Variants in PTPRT observed in about 807,000 individuals in gnomAD.
The protein encoded by PTPRT is receptor-type tyrosine-protein phosphatase T.
Under a neutral mutation model 176.8 loss-of-function variants are expected in PTPRT, and 56 were observed. That is an observed-to-expected ratio of 0.32 (90% CI 0.26 to 0.40). PTPRT has a LOEUF of 0.40. Among genes scored for constraint, PTPRT ranks in the 10% least tolerant of loss-of-function variants. The pLI, the probability that PTPRT is intolerant of heterozygous loss-of-function variation, is 1.00. For synonymous variants in PTPRT, 783 were observed against 739.0 expected (o/e 1.06, Z -0.96); for missense variants, 1,540 against 1,908.2 (o/e 0.81, Z 3.60).
rs937788364 is a variant in PTPRT, at chr20:42,183,300, C to A, written c.2491+15940G>T. 2.6e-5 allele frequency among the ~76,000 whole-genome samples: 4 copies of A among 152,144 alleles called. No homozygotes were observed. In the East Asian group the frequency reaches 7.7e-4, roughly 29 times the overall value. On this transcript the variant is annotated intron_variant, in intron 16 of 30. Coordinates refer to ENST00000373187, the MANE Select transcript of PTPRT (RefSeq NM_007050.6). ...TTTTAAGTGCAACATAAGGAAGGGT[C>A]TTCCTGGGAACCTAACAGCAAGGAA...
At chr20:42,400,993 G>A (rs574452079) in intron 9 of PTPRT, among the ~76,000 whole-genome samples, 2 of 152,084 alleles carry the variant, frequency 1.3e-5, no homozygotes, top group Admixed American at 6.6e-5. Context: ...GGGTGGAGCC[G>A]AGGACCCCCT....
At chr20:42,784,453 C>T (rs2077259542) in intron 3 of PTPRT, among the ~76,000 whole-genome samples, 1 of 152,036 alleles carries the variant, frequency 6.6e-6, no homozygotes, top group African/African-American at 2.4e-5. Context: ...TTAAGAGAGA[C>T]TTTTTTTACC....
intron 11 of PTPRT, among the ~76,000 whole-genome samples, chr20:42,343,644 C>T (rs185711741): frequency 6.6e-6 from 1 of 152,306 alleles, no homozygotes; most frequent in Non-Finnish European, 1.5e-5. Flanking sequence ...GACTCATAGG[C>T]ACTTTCTTTT....
At chr20:42,230,539 G>C (rs2056112810) in intron 15 of PTPRT, among the ~76,000 whole-genome samples, 1 of 152,224 alleles carries the variant, frequency 6.6e-6, no homozygotes, top group Non-Finnish European at 1.5e-5. Context: ...AGGGATCCCA[G>C]AGAGGCATTT....
chr20:43,025,356 G>T (rs1324942486), intron 1 of PTPRT, among the ~76,000 whole-genome samples: 6 of 152,212 alleles, frequency 3.9e-5, no homozygotes, highest in African/African-American at 1.4e-4. Flanking sequence ...GTAAGTCAGG[G>T]AAACCAACTT....
chr20:42,241,282 A>G (rs1022241886), intron 14 of PTPRT, among the ~76,000 whole-genome samples: 14 of 152,170 alleles, frequency 9.2e-5, no homozygotes, highest in African/African-American at 3.4e-4. Flanking sequence ...TGAGTGGTAA[A>G]GTAAAAGAGA....
chr20:42,241,372 TG>T (rs911637712), intron 14 of PTPRT, among the ~76,000 whole-genome samples: 2 of 152,024 alleles, frequency 1.3e-5, no homozygotes, highest in African/African-American at 4.8e-5. Flanking sequence ...GTTAACAAAG[TG>T]GGAATGGCAA....
At chr20:42,179,503 TA>T (rs1990428046) in intron 16 of PTPRT, among the ~76,000 whole-genome samples, 2 of 152,238 alleles carry the variant, frequency 1.3e-5, no homozygotes, top group Admixed American at 1.3e-4. Context: ...GACAATGAAT[TA>T]GCCACATAAT....
intron 7 of PTPRT, among the ~76,000 whole-genome samples, chr20:42,551,849 C>T (rs552649714): frequency 2.6e-5 from 4 of 152,292 alleles, no homozygotes; most frequent in African/African-American, 7.2e-5. Context: ...TGGACCTTCC[C>T]CATTCCTTGC....
intron 1 of PTPRT, among the ~76,000 whole-genome samples, chr20:42,891,118 A>G (rs1400855065): frequency 6.6e-6 from 1 of 152,214 alleles, no homozygotes; most frequent in African/African-American, 2.4e-5. Flanking sequence ...CAGCAGTGTG[A>G]AAACGGACTA....
At chr20:42,247,103 C>A (rs180708321) in intron 14 of PTPRT, among the ~76,000 whole-genome samples, 10 of 152,300 alleles carry the variant, frequency 6.6e-5, no homozygotes, top group African/African-American at 2.4e-4. Flanking sequence ...TAACATAATA[C>A]CTTCTGTTAC....
intron 7 of PTPRT, among the ~76,000 whole-genome samples, chr20:42,480,420 C>T (rs2071365168): frequency 6.6e-6 from 1 of 152,126 alleles, no homozygotes; most frequent in Non-Finnish European, 1.5e-5. Flanking sequence ...TAGTTGACTA[C>T]TGGCCTCATT....
intron 12 of PTPRT, among the ~76,000 whole-genome samples, chr20:42,298,470 T>C (rs1485358313): frequency 6.6e-6 from 1 of 152,172 alleles, no homozygotes; most frequent in Non-Finnish European, 1.5e-5. Context: ...CCTTTAATCC[T>C]ACAATTCCTC....
chr20:42,332,825 A>C (rs1206128686), intron 11 of PTPRT, among the ~76,000 whole-genome samples: 1 of 152,236 alleles, frequency 6.6e-6, no homozygotes, highest in Non-Finnish European at 1.5e-5. Flanking sequence ...TGGTGGTGAC[A>C]GTAGCAAATG....
chr20:42,067,387 G>C, the PTPRT span, among the ~76,000 whole-genome samples: 1 of 152,100 alleles, frequency 6.6e-6, no homozygotes, highest in Admixed American at 6.5e-5. Flanking sequence ...TACATGGTTT[G>C]TCAGGAGCCA....
chr20:42,679,913 C>T (rs991413844), intron 6 of PTPRT, among the ~76,000 whole-genome samples: 1 of 152,080 alleles, frequency 6.6e-6, no homozygotes, highest in African/African-American at 2.4e-5. Context: ...TTCTTAGAAC[C>T]AACTGCGAGG....
intron 2 of PTPRT, among the ~76,000 whole-genome samples, chr20:42,876,157 ACT>A (rs932029970): frequency 6.6e-6 from 1 of 152,120 alleles, no homozygotes; most frequent in African/African-American, 2.4e-5. Context: ...ATATGTTCAA[ACT>A]CAGCATTTTT....
chr20:43,106,877 G>A (rs374170363), intron 1 of PTPRT, among the ~76,000 whole-genome samples: 3 of 151,698 alleles, frequency 2.0e-5, no homozygotes, highest in Non-Finnish European at 4.4e-5. Context: ...CACAACCTCC[G>A]CCTCCCAGGT....
intron 9 of PTPRT, among the ~76,000 whole-genome samples, chr20:42,394,190 T>A (rs1568841704): frequency 6.6e-6 from 1 of 152,094 alleles, no homozygotes; most frequent in Non-Finnish European, 1.5e-5. Context: ...AAACACTGAT[T>A]TGCGTGGTAT....
Sources: gnomAD v4.1 joint callset for allele counts (sites outside exome capture counted in the v4.1 genomes callset) on GRCh38, gnomAD v4.1.1 for gene constraint, MANE v1.5 for transcripts, NCBI Gene and HGNC (gene_info 2026-07-23, HGNC 2026-07-21) for gene names.